UNC80: variants seen among roughly 807,000 people sequenced by gnomAD.
UNC80 encodes protein unc-80 homolog.
In UNC80, 164 loss-of-function variants were observed where a neutral mutation model predicts 384.6. That is an observed-to-expected ratio of 0.43 (90% CI 0.38 to 0.49). The LOEUF is 0.49. Among genes scored for constraint, UNC80 ranks in the 20% least tolerant of loss-of-function variants. The pLI, the probability that UNC80 is intolerant of heterozygous loss-of-function variation, is 0.00. For synonymous variants in UNC80, 1,486 were observed against 1,527.8 expected, an observed-to-expected ratio of 0.97 and a Z score of 0.64; for missense variants, 3,330 against 4,143.0, an observed-to-expected ratio of 0.80 and a Z score of 5.39.
intron 4 of UNC80, among the ~76,000 whole-genome samples, chr2:209,781,478 A>G (rs1008448128): frequency 2.0e-5 from 3 of 152,164 alleles, no homozygotes; most frequent in Non-Finnish European, 4.4e-5. Flanking sequence ...TCTAATCTCT[A>G]TTTGCAGCCC....
At chr2:209,962,071 A>G (rs2092608054) in intron 51 of UNC80, among the ~76,000 whole-genome samples, 1 of 152,198 alleles carries the variant, frequency 6.6e-6, no homozygotes, top group South Asian at 2.1e-4. Flanking sequence ...TCTGGTTAGC[A>G]TTCCTTCCTT....
Position 209,877,988 on chromosome 2 carries a change from G to T in UNC80, c.3875G>T (p.Gly1292Val). The change falls in exon 24 of 65, where the codon GGG (glycine) becomes GTG (valine). Residue 1292 changes from glycine (G) to valine (V), a missense_variant. By Grantham distance (109) the Gly-to-Val change is moderately radical. Transcript: ENST00000673920. ...IGVRLNELCH[G>V]ESESPANLLG... ...GTCCGATTGAATGAGCTGTGCCACG[G>T]GGAAAGTGAGAGCCCAGCCAACCTG... 6.5e-7 allele frequency: 1 copy of T among 1,542,222 alleles called. No individual in the cohort carries two copies.
chr2:209,858,143 G>T (rs1166622911), intron 22 of UNC80, among the ~76,000 whole-genome samples: 1 of 152,094 alleles, frequency 6.6e-6, no homozygotes, highest in African/African-American at 2.4e-5. Flanking sequence ...ACGTTCATTT[G>T]TATTTACAGT....
In UNC80 at chr2:209,850,365, A is replaced by G. The variant is rs1440562121; in HGVS notation, c.3627+742A>G. On this transcript the variant is annotated intron_variant, in intron 22 of 64. Transcript: ENST00000673920. ...TAAACATCAGGAAAAAAAGTATTTT[A>G]TTTTAACTTTTAAAGAAGACAAACT... 3.0e-4 allele frequency among the ~76,000 whole-genome samples: 45 copies of G among 152,144 alleles called. 1 individual carries two copies. The highest frequency in any genetic ancestry group is 3.0e-3 in the Admixed American group (45 of 15,244).
intron 26 of UNC80, among the ~76,000 whole-genome samples, chr2:209,892,728 A>G (rs2086460480): frequency 6.6e-6 from 1 of 152,244 alleles, no homozygotes; most frequent in South Asian, 2.1e-4. Context: ...TAGTCATTAC[A>G]AAATTTTAAT....
At chr2:209,986,069 A>T (rs1236530742) in intron 61 of UNC80, among the ~76,000 whole-genome samples, 1 of 152,212 alleles carries the variant, frequency 6.6e-6, no homozygotes, top group Non-Finnish European at 1.5e-5. Flanking sequence ...ACTTAATTCC[A>T]TTAGCAGGAG....
At chr2:209,865,204 C>G (rs1243835665) in intron 22 of UNC80, among the ~76,000 whole-genome samples, 1 of 151,448 alleles carries the variant, frequency 6.6e-6, no homozygotes, top group East Asian at 1.9e-4. Flanking sequence ...CCTTGGTTGC[C>G]GGTGAAGGAT....
intron 28 of UNC80, among the ~76,000 whole-genome samples, chr2:209,903,320 A>ATGTG (rs34002751): frequency 0.031 from 3,297 of 105,608 alleles, 82 homozygotes; most frequent in East Asian, 0.082. Flanking sequence ...ATTATATTAT[A>ATGTG]TGTGTGTGTG....
chr2:209,807,842 A>G (rs192360916), intron 7 of UNC80, among the ~76,000 whole-genome samples: 45 of 152,356 alleles, frequency 3.0e-4, no homozygotes, highest in African/African-American at 1.1e-3. Context: ...AGTGCAGTAC[A>G]GCTCACACAT....
At chr2:209,961,743 C>T (rs1416387489) in intron 51 of UNC80, among the ~76,000 whole-genome samples, 3 of 152,052 alleles carry the variant, frequency 2.0e-5, no homozygotes, top group South Asian at 4.2e-4. Flanking sequence ...TTTTAAAATA[C>T]GAAGAACAAG....
In UNC80 at chr2:209,913,790, A is replaced by T. The variant is rs911343804; in HGVS notation, c.4891-12A>T. 3.9e-6 allele frequency: 6 copies of T among 1,537,906 alleles called. No homozygotes were observed. The highest frequency in any genetic ancestry group is 5.3e-6 in the Non-Finnish European group (6 of 1,137,264). On this transcript the variant is annotated splice_polypyrimidine_tract_variant and intron_variant, in intron 30 of 64. Coordinates refer to ENST00000673920, the MANE Select transcript of UNC80 (RefSeq NM_001371986.1). ...TAAAAGATTTTAAAACATGATTTCC[A>T]TCTTTTCCCAGGTGATGAGCTTGTC...
At chr2:209,969,718 A>G (rs1029361619) in intron 52 of UNC80, 50 bp from the exon 53 acceptor site, 4 of 1,546,534 alleles carry the variant, frequency 2.6e-6, no homozygotes, top group Non-Finnish European at 3.5e-6. Flanking sequence ...CTTGTTTCAG[A>G]CTCTCCAGAA....
chr2:209,778,355 G>T lies in UNC80; in HGVS notation c.600+796G>T, dbSNP rs1032157703. ...GCACAGGCTGCAGTCAACCTAGATC[G>T]TGCCACTGTACTCCAGCCTGGGTGA... On this transcript the variant is annotated intron_variant, in intron 4 of 64. Transcript: ENST00000673920. Among the ~76,000 whole-genome samples, 6 of 152,074 alleles carry T rather than the reference G, an allele frequency of 3.9e-5. No individual in the cohort carries two copies. In the South Asian group the frequency reaches 1.2e-3, roughly 32 times the overall value.
At chr2:209,848,877 C>A (rs904079807) in intron 21 of UNC80, among the ~76,000 whole-genome samples, 2 of 152,038 alleles carry the variant, frequency 1.3e-5, no homozygotes, top group African/African-American at 4.8e-5. Flanking sequence ...ACTGTAAACA[C>A]CCCCTTTTAT....
chr2:209,899,455 G>A (rs1012687180), intron 28 of UNC80, among the ~76,000 whole-genome samples: 9 of 152,130 alleles, frequency 5.9e-5, no homozygotes, highest in Non-Finnish European at 8.8e-5. Context: ...CAATTGTAAT[G>A]TGAAGCCAAA....
intron 7 of UNC80, among the ~76,000 whole-genome samples, chr2:209,811,273 G>A (rs1301027393): frequency 6.6e-6 from 1 of 152,114 alleles, no homozygotes; most frequent in Non-Finnish European, 1.5e-5. Flanking sequence ...ACCAGGGCAA[G>A]CATAATAGAG....
Position 209,976,368 on chromosome 2 carries a change from G to C in UNC80, c.8772+65G>C. 2.6e-6 allele frequency: 4 copies of C among 1,544,070 alleles called. No homozygotes were observed. Among genetic ancestry groups the C allele is most frequent in the Non-Finnish European group, 3.5e-6 (4 of 1,140,922 alleles). On this transcript the variant is annotated intron_variant, in intron 57 of 64. Transcript: ENST00000673920. This position sits in a 1 kb window ranked among gnomAD's most constrained non-coding sequence, Gnocchi z 4.3. ...AATGAATGTGTGGCTCTCTACTGAG[G>C]CAGGAATATGGCAGGAGTGCTCATG...
At chr2:209,828,544 TG>T (rs1189156249) in intron 14 of UNC80, among the ~76,000 whole-genome samples, 2 of 152,096 alleles carry the variant, frequency 1.3e-5, no homozygotes, top group Non-Finnish European at 2.9e-5. Flanking sequence ...AATTTTTTCC[TG>T]GGCCTTGATT....
Position 209,984,909 on chromosome 2 carries a change from C to G in UNC80, c.9311C>G (p.Ser3104Cys), listed in dbSNP as rs1291910620. The G allele has an allele frequency of 1.9e-6, 3 of 1,551,034 alleles. No individual in the cohort carries two copies. The highest frequency in any genetic ancestry group is 1.4e-5 in the African/African-American group (1 of 73,054). The change falls in exon 61 of 65, where the codon TCT becomes TGT. Residue 3104 changes from serine to cysteine, a missense_variant. By Grantham distance (112) the Ser-to-Cys change is moderately radical (BLOSUM62 -1). Around this residue, in one of 8 missense-constraint regions of UNC80, gnomAD observed 216 missense variants for 245.3 expected, o/e 0.88. Transcript: ENST00000673920. ...GGCCTGGCCGCCGAGGGCAGCCTCT[C>G]TAGGTACAGTGTCAATGCTACCTGT... ...SQGLAAEGSLSRVASIQSEPG... is the reference protein window; with the variant it reads ...SQGLAAEGSLCRVASIQSEPG...
Sources: gnomAD v4.1 joint callset for allele counts (sites outside exome capture counted in the v4.1 genomes callset) on GRCh38, gnomAD v4.1.1 for gene constraint, gnomAD v4.1.1 regional missense constraint, Gnocchi (gnomAD v3.1) non-coding constraint, MANE v1.5 for transcripts, NCBI Gene and HGNC (gene_info 2026-07-23, HGNC 2026-07-21) for gene names.